Variants in ZMYM4 observed in about 807,000 individuals in gnomAD.
ZMYM4 encodes the protein zinc finger MYM-type protein 4.
A neutral mutation model predicts 183.2 loss-of-function variants in ZMYM4; 31 were observed. The ratio of observed to expected loss-of-function variants is 0.17; its 90% CI spans 0.13 to 0.23. The LOEUF (loss-of-function observed/expected upper bound fraction) is 0.23, where lower values mean the gene tolerates loss of function less well. Ranked by LOEUF, ZMYM4 falls within the 10% of genes least tolerant of loss-of-function variation. The pLI is 1.00. For synonymous variants in ZMYM4, 592 were observed against 631.2 expected, an observed-to-expected ratio of 0.94 and a Z score of 0.93; for missense variants, 1,273 against 1,840.3, an observed-to-expected ratio of 0.69 and a Z score of 5.64.
chr1:35,376,726 G>A (rs1174331516), intron 7 of ZMYM4, among the ~76,000 whole-genome samples: 5 of 151,722 alleles, frequency 3.3e-5, no homozygotes, highest in African/African-American at 9.7e-5. Context: ...GGGTTTCACC[G>A]TATTGGCCAG....
At chr1:35,370,749 T>TTTTTA (rs1644188358) in intron 7 of ZMYM4, 122 bp downstream of exon 7, 1 of 991,226 alleles carries the variant, frequency 1.0e-6, no homozygotes, top group Non-Finnish European at 1.3e-6. Context: ...TTTTTTTTTT[T>TTTTTA]GAGAAATACC....
intron 11 of ZMYM4, 147 bp from the exon 12 acceptor site, chr1:35,386,856 C>T (rs544970387): frequency 3.8e-5 from 29 of 772,146 alleles, no homozygotes; most frequent in African/African-American, 3.5e-5. Context: ...CCCCCCATTC[C>T]GTAATAAGCT....
At chr1:35,318,040 A>G (rs1356884696) in intron 1 of ZMYM4, among the ~76,000 whole-genome samples, 1 of 151,544 alleles carries the variant, frequency 6.6e-6, no homozygotes, top group Non-Finnish European at 1.5e-5. Flanking sequence ...TCAAATTTAG[A>G]AGGGATTATG....
At chr1:35,276,244 GTCCCTCCCTCCCTCCCTCCT>G (rs1216286661) in intron 1 of ZMYM4, among the ~76,000 whole-genome samples, 4 of 147,886 alleles carry the variant, frequency 2.7e-5, no homozygotes, top group South Asian at 2.2e-4. Flanking sequence ...ACTCATTTCT[GTCCCTCCCTCCCTCCCTCCT>G]TCCCTCCCTC....
At chr1:35,327,850 A>T (rs888051813) in intron 2 of ZMYM4, among the ~76,000 whole-genome samples, 8 of 152,156 alleles carry the variant, frequency 5.3e-5, no homozygotes, top group African/African-American at 1.9e-4. Context: ...AGTTGTTTGG[A>T]GAAAGATTAT....
chr1:35,335,814 G>A (rs373773236), intron 2 of ZMYM4, among the ~76,000 whole-genome samples: 14 of 152,060 alleles, frequency 9.2e-5, no homozygotes, highest in African/African-American at 3.4e-4. Context: ...TTAGCCGGAC[G>A]TGATGGCAGG....
intron 2 of ZMYM4, 53 bp from the exon 3 acceptor site, chr1:35,358,872 T>A: frequency 7.0e-7 from 1 of 1,438,426 alleles, no homozygotes; most frequent in Non-Finnish European, 9.5e-7. Flanking sequence ...GACCTTATCA[T>A]TGTGGTCATC....
chr1:35,310,599 A>G (rs1158255407), intron 1 of ZMYM4, among the ~76,000 whole-genome samples: 1 of 151,190 alleles, frequency 6.6e-6, no homozygotes, highest in Non-Finnish European at 1.5e-5. Context: ...TTTTTTTGAG[A>G]TGGAGTTTTG....
chr1:35,360,068 C>T (rs1459317569), intron 3 of ZMYM4, among the ~76,000 whole-genome samples: 1 of 151,854 alleles, frequency 6.6e-6, no homozygotes, highest in African/African-American at 2.4e-5. Flanking sequence ...TTCCATTTGC[C>T]TGCATGTCAT....
intron 1 of ZMYM4, among the ~76,000 whole-genome samples, chr1:35,318,396 A>G (rs942445939): frequency 6.6e-6 from 1 of 152,098 alleles, no homozygotes; most frequent in African/African-American, 2.4e-5. Context: ...CTTATTCTGT[A>G]TCACAAGTTA....
intron 1 of ZMYM4, among the ~76,000 whole-genome samples, chr1:35,315,455 A>G (rs1642003348): frequency 6.6e-6 from 1 of 152,206 alleles, no homozygotes; most frequent in African/African-American, 2.4e-5. Flanking sequence ...TATTACAGAC[A>G]ATAAGTGTAC....
intron 9 of ZMYM4, among the ~76,000 whole-genome samples, chr1:35,384,636 A>G (rs539313928): frequency 3.3e-5 from 5 of 152,208 alleles, no homozygotes; most frequent in South Asian, 2.1e-4. Context: ...ATATTTGCCA[A>G]TAAGTTGCCT....
intron 5 of ZMYM4, among the ~76,000 whole-genome samples, chr1:35,368,182 A>G (rs1239266676): frequency 6.6e-6 from 1 of 151,654 alleles, no homozygotes; most frequent in Non-Finnish European, 1.5e-5. Context: ...CCACCAGAGC[A>G]GAGTTGAGTA....
At chr1:35,392,976 A>T (rs939436560) in intron 17 of ZMYM4, among the ~76,000 whole-genome samples, 1 of 152,158 alleles carries the variant, frequency 6.6e-6, no homozygotes, top group Non-Finnish European at 1.5e-5. Flanking sequence ...ATGTTTTGTG[A>T]TGTACTCAGA....
At chr1:35,386,304 T>C (rs1231779533) in intron 11 of ZMYM4, 115 bp downstream of exon 11, 1 of 698,112 alleles carries the variant, frequency 1.4e-6, no homozygotes, top group Non-Finnish European at 2.3e-6. Context: ...AAGAAAGAGG[T>C]TTAATTGGCT....
In ZMYM4 at chr1:35,389,907, A is replaced by G. The variant is rs754076227; in HGVS notation, c.2437-41A>G. The G allele has an allele frequency of 5.1e-6, 8 of 1,576,978 alleles. No homozygotes were observed. Among genetic ancestry groups the G allele is most frequent in the Non-Finnish European group, 6.9e-6 (8 of 1,157,710 alleles). Reference sequence around the variant, plus strand: ...TTATTTTTATTTTGTCAGACCACAGATAATTTGTTTCTTACTCCTTGACTA... The same window carrying G: ...TTATTTTTATTTTGTCAGACCACAGGTAATTTGTTTCTTACTCCTTGACTA... On this transcript the variant is annotated intron_variant, in intron 14 of 29. Coordinates refer to ENST00000314607, the MANE Select transcript of ZMYM4 (RefSeq NM_005095.3). This position sits in a 1 kb window ranked among gnomAD's most constrained non-coding sequence, Gnocchi z 4.0.
intron 1 of ZMYM4, among the ~76,000 whole-genome samples, chr1:35,295,702 A>G (rs1173207967): frequency 5.3e-5 from 8 of 152,162 alleles, no homozygotes; most frequent in Non-Finnish European, 1.2e-4. Context: ...GAAGACTTGG[A>G]GGAAGATTTA....
intron 3 of ZMYM4, among the ~76,000 whole-genome samples, chr1:35,360,010 C>G: frequency 6.6e-6 from 1 of 151,902 alleles, no homozygotes; most frequent in East Asian, 1.9e-4. Flanking sequence ...AGTTAACATT[C>G]TTGAATATAT....
chr1:35,367,349 C>T (rs537816139), intron 5 of ZMYM4, among the ~76,000 whole-genome samples: 45 of 152,060 alleles, frequency 3.0e-4, no homozygotes, highest in African/African-American at 1.1e-3. Flanking sequence ...CTGCCTCAGC[C>T]TCCTGAGTAG....
Sources: gnomAD v4.1 joint callset for allele counts (sites outside exome capture counted in the v4.1 genomes callset) on GRCh38, gnomAD v4.1.1 for gene constraint, Gnocchi (gnomAD v3.1) non-coding constraint, MANE v1.5 for transcripts, NCBI Gene and HGNC (gene_info 2026-07-23, HGNC 2026-07-21) for gene names.